ZNF536: variants seen among roughly 807,000 people sequenced by gnomAD.
ZNF536 encodes the protein zinc finger protein 536.
ZNF536 carries 13 observed loss-of-function variants against 84.5 expected under a neutral mutation model. The ratio of observed to expected loss-of-function variants is 0.15; its 90% confidence interval spans 0.10 to 0.24. The LOEUF (loss-of-function observed/expected upper bound fraction) is 0.24. Ranked by LOEUF, ZNF536 falls within the 10% of genes least tolerant of loss-of-function variation. The pLI is 1.00. For synonymous variants in ZNF536, 811 were observed against 742.5 expected, an observed-to-expected ratio of 1.09 and a Z score of -1.50; for missense variants, 1,536 against 1,747.5, an observed-to-expected ratio of 0.88 and a Z score of 2.16.
chr19:30,561,980 G>A (rs1485692488), downstream of ZNF536, among the ~76,000 whole-genome samples: 5 of 152,218 alleles, frequency 3.3e-5, no homozygotes, highest in Non-Finnish European at 7.3e-5. Flanking sequence ...GCAGGTCATG[G>A]CTCCTGTGGA....
At chr19:30,491,733 C>T (rs1384188618) in intron 2 of ZNF536, among the ~76,000 whole-genome samples, 2 of 152,136 alleles carry the variant, frequency 1.3e-5, no homozygotes, top group Non-Finnish European at 2.9e-5. Context: ...GTCCCCCAAG[C>T]CAGTTTGGGT....
chr19:30,232,959 T>C (rs2023185271), intron 1 of ZNF536, among the ~76,000 whole-genome samples: 1 of 152,230 alleles, frequency 6.6e-6, no homozygotes, highest in African/African-American at 2.4e-5. Context: ...GCGCTGGGCC[T>C]TGTCTTGGGC....
At chr19:30,495,238 T>C (rs2054672289) in intron 2 of ZNF536, among the ~76,000 whole-genome samples, 1 of 152,142 alleles carries the variant, frequency 6.6e-6, no homozygotes, top group Non-Finnish European at 1.5e-5. Context: ...GGCTATAAGG[T>C]ATAGGCTGAG....
intron 1 of ZNF536, among the ~76,000 whole-genome samples, chr19:30,642,745 A>G (rs543603839): frequency 4.6e-5 from 7 of 152,244 alleles, no homozygotes; most frequent in Middle Eastern, 3.4e-3. Flanking sequence ...GATGGGTTTC[A>G]GGAGATGATG....
chr19:30,658,481 C>G (rs891885425), intron 1 of ZNF536, among the ~76,000 whole-genome samples: 1 of 152,092 alleles, frequency 6.6e-6, no homozygotes, highest in Non-Finnish European at 1.5e-5. Context: ...TTGCTGACAC[C>G]TCAGGGTCTT....
At chr19:30,383,316 A>AC (rs2147193517) in intron 1 of ZNF536, among the ~76,000 whole-genome samples, 1 of 151,860 alleles carries the variant, frequency 6.6e-6, no homozygotes, top group South Asian at 2.1e-4. Flanking sequence ...ACAAACAAAA[A>AC]AAACAAATGC....
At chr19:30,317,685 T>G (rs1300547596) in intron 2 of ZNF536, among the ~76,000 whole-genome samples, 18 of 152,346 alleles carry the variant, frequency 1.2e-4, no homozygotes, top group Admixed American at 9.8e-4. Context: ...GAGATGAGTT[T>G]CAATGACCTC....
intron 1 of ZNF536, among the ~76,000 whole-genome samples, chr19:30,398,689 T>TTCATCCATGTCCCTGCAAAGGACATGA (rs1220260163): frequency 1.5e-4 from 23 of 152,316 alleles, no homozygotes; most frequent in African/African-American, 5.1e-4. Flanking sequence ...GGTTTTCAGC[T>TTCATCCATGTCCCTGCAAAGGACATGA]TCATCCATGT....
intron 3 of ZNF536, among the ~76,000 whole-genome samples, chr19:30,362,055 G>A (rs2048292829): frequency 1.3e-5 from 2 of 152,220 alleles, no homozygotes; most frequent in South Asian, 4.1e-4. Context: ...GTGTCTGTCT[G>A]TTTCGCACAG....
At chr19:30,228,093 T>A (rs796532585), upstream of ZNF536, among the ~76,000 whole-genome samples, 33 of 151,038 alleles carry the variant, frequency 2.2e-4, no homozygotes, top group African/African-American at 7.8e-4. The surrounding 1 kb of genome is among the most constrained non-coding windows in gnomAD (Gnocchi z 4.5). Context: ...GTGGTGAGAC[T>A]GGGAACGCGC....
At chr19:30,527,019 A>G (rs1268124423) in intron 2 of ZNF536, among the ~76,000 whole-genome samples, 1 of 151,754 alleles carries the variant, frequency 6.6e-6, no homozygotes, top group Non-Finnish European at 1.5e-5. Context: ...CCTGGGTTCA[A>G]GCGATTCTCT....
At chr19:30,578,171 G>T (rs1034537751) in intron 1 of ZNF536, among the ~76,000 whole-genome samples, 8 of 152,204 alleles carry the variant, frequency 5.3e-5, no homozygotes, top group African/African-American at 1.7e-4. Flanking sequence ...TTCAGAGGTG[G>T]AATCTGAAGG....
chr19:30,687,423 C>G (rs1397516584), intron 1 of ZNF536, among the ~76,000 whole-genome samples: 14 of 152,090 alleles, frequency 9.2e-5, no homozygotes, highest in Non-Finnish European at 1.5e-5. Flanking sequence ...TGCCCACGTC[C>G]GACACAGGGA....
intron 1 of ZNF536, among the ~76,000 whole-genome samples, chr19:30,570,898 G>C (rs1248828241): frequency 6.6e-6 from 1 of 152,170 alleles, no homozygotes; most frequent in Non-Finnish European, 1.5e-5. Flanking sequence ...GTCATGGAGG[G>C]AATATGCCCA....
At chr19:30,562,015 T>C (rs2046187128), downstream of ZNF536, among the ~76,000 whole-genome samples, 1 of 152,138 alleles carries the variant, frequency 6.6e-6, no homozygotes, top group South Asian at 2.1e-4. Flanking sequence ...GCCTCTCAGC[T>C]TAGGGGCCAG....
intron 1 of ZNF536, among the ~76,000 whole-genome samples, chr19:30,238,814 G>A (rs77004227): frequency 0.011 from 1,283 of 112,872 alleles, 6 homozygotes; most frequent in Middle Eastern, 0.019. Context: ...TAGTTTCCAT[G>A]TTCCAAATTA....
At chr19:30,455,915 A>G (rs1248350463) in intron 2 of ZNF536, among the ~76,000 whole-genome samples, 1 of 152,210 alleles carries the variant, frequency 6.6e-6, no homozygotes, top group Non-Finnish European at 1.5e-5. Context: ...TCTTACTGAA[A>G]TGTATGTCAT....
intron 1 of ZNF536, among the ~76,000 whole-genome samples, chr19:30,589,593 CAGGT>C (rs2047209271): frequency 6.6e-6 from 1 of 152,042 alleles, no homozygotes; most frequent in Non-Finnish European, 1.5e-5. Flanking sequence ...TCAGGAAGCA[CAGGT>C]AGGGGATAAA....
At chr19:30,259,176 A>G (rs183540822) in intron 1 of ZNF536, among the ~76,000 whole-genome samples, 1 of 152,328 alleles carries the variant, frequency 6.6e-6, no homozygotes, top group South Asian at 2.1e-4. Context: ...GATTTTGCAC[A>G]GAATGGGAAC....
Sources: gnomAD v4.1 joint callset for allele counts (sites outside exome capture counted in the v4.1 genomes callset) on GRCh38, gnomAD v4.1.1 for gene constraint, Gnocchi (gnomAD v3.1) non-coding constraint, MANE v1.5 for transcripts, NCBI Gene and HGNC (gene_info 2026-07-23, HGNC 2026-07-21) for gene names.